Variants in ZNF66 observed in about 807,000 individuals in gnomAD.
ZNF66 encodes zinc finger protein 66, also known as putative zinc finger protein 66.
Under a neutral mutation model 35.2 loss-of-function variants are expected in ZNF66, and 32 were observed. The observed-to-expected ratio is 0.91, with a 90% confidence interval of 0.69 to 1.22. The LOEUF (loss-of-function observed/expected upper bound fraction) is 1.22. Ranked by LOEUF, ZNF66 falls within the 50% of genes most tolerant of loss-of-function variation. The probability of loss-of-function intolerance (pLI) is 0.00; values close to 1 mark genes in which losing one functional copy is unlikely to be tolerated. For synonymous variants in ZNF66, 231 were observed against 181.3 expected (o/e 1.27, Z -2.20); for missense variants, 666 against 543.1 (o/e 1.23, Z -2.25).
chr19:20,786,175 C>T (rs891019821), intron 1 of ZNF66, among the ~76,000 whole-genome samples: 1 of 152,174 alleles, frequency 6.6e-6, no homozygotes, highest in Non-Finnish European at 1.5e-5. Flanking sequence ...CTTTCCCTCT[C>T]AGGCTTCCAG....
intron 3 of ZNF66, among the ~76,000 whole-genome samples, chr19:20,797,497 C>T (rs539071896): frequency 2.4e-5 from 3 of 124,448 alleles, no homozygotes; most frequent in Non-Finnish European, 3.6e-5. Flanking sequence ...TGAGCCACCG[C>T]GCCCGGCCGA....
intron 1 of ZNF66, among the ~76,000 whole-genome samples, chr19:20,777,733 C>T (rs1971208781): frequency 6.6e-6 from 1 of 152,036 alleles, no homozygotes. Flanking sequence ...TCAAGCGATT[C>T]TCCTGCTTCA....
Position 20,806,086 on chromosome 19 carries a change from A to T in ZNF66, c.486A>T (p.Arg162Ser), listed in dbSNP as rs1971502251. 2 of 876,802 alleles carry T rather than the reference A, an allele frequency of 2.3e-6. No homozygotes were observed. The highest frequency in any genetic ancestry group is 3.8e-6 in the Non-Finnish European group (2 of 522,962). 54.3% of individuals were successfully genotyped at this position (876,802 alleles called of 1,614,324 possible). A position where few individuals can be genotyped will look rare whatever the true frequency, so the allele number is the denominator to read the frequency against. Residue 162 changes from arginine to serine, a missense_variant, in exon 4 of 4, where the codon AGA becomes AGT. Arg to Ser is a moderately radical substitution (Grantham distance 110). Transcript: ENST00000344519. The part of the protein sequence containing the change: ...KVFHQFSNTN[R>S]HKIRHTGKNP... ...TTCATCAATTTTCAAATACAAACAG[A>T]CATAAGATAAGACATACTGGAAAAA...
chr19:20,783,852 T>C (rs1971265041), intron 1 of ZNF66, among the ~76,000 whole-genome samples: 3 of 152,226 alleles, frequency 2.0e-5, no homozygotes, highest in Admixed American at 2.0e-4. Flanking sequence ...TTCATATAAA[T>C]TAAACAGTGT....
At chr19:20,782,156 G>C (rs1337121533) in intron 1 of ZNF66, among the ~76,000 whole-genome samples, 2 of 152,104 alleles carry the variant, frequency 1.3e-5, no homozygotes, top group Non-Finnish European at 2.9e-5. Context: ...TGTTGCCCAG[G>C]CTGTTCTCAA....
In ZNF66 at chr19:20,809,245, G is replaced by A. The variant is rs1599559186; in HGVS notation, c.*1923G>A. ...TGAGGGGGAGAATGGAACCAACTTGGAAAACACTCTGCAGGATATTATCCA... is the reference window on the plus strand; with the variant it reads ...TGAGGGGGAGAATGGAACCAACTTGAAAAACACTCTGCAGGATATTATCCA... On this transcript the variant is annotated 3_prime_UTR_variant, in exon 4 of 4. Coordinates refer to ENST00000344519, the MANE Select transcript of ZNF66 (RefSeq NM_001355197.2). 6.6e-6 allele frequency among the ~76,000 whole-genome samples: 1 copy of A among 152,268 alleles called. No homozygotes were observed. Among genetic ancestry groups the A allele is most frequent in the East Asian group, 1.9e-4 (1 of 5,192 alleles).
intron 1 of ZNF66, among the ~76,000 whole-genome samples, chr19:20,790,857 A>G (rs181526931): frequency 6.6e-6 from 1 of 152,118 alleles, no homozygotes; most frequent in Non-Finnish European, 1.5e-5. Flanking sequence ...TTACTTCTCT[A>G]CTTGTGTTTT....
chr19:20,788,267 C>T (rs1971305795), intron 1 of ZNF66, among the ~76,000 whole-genome samples: 1 of 152,166 alleles, frequency 6.6e-6, no homozygotes, highest in Admixed American at 6.5e-5. Flanking sequence ...TTAGTCTAGA[C>T]TAGCAACTGG....
intron 1 of ZNF66, among the ~76,000 whole-genome samples, chr19:20,785,751 G>GTTTTTTTTTTTTTTTTTTTTTT (rs1171317364): frequency 6.7e-6 from 1 of 148,638 alleles, no homozygotes; most frequent in African/African-American, 2.5e-5. Flanking sequence ...TTCTTTTTCT[G>GTTTTTTTTTTTTTTTTTTTTTT]TTTTTGTTTG....
At chr19:20,783,834 A>T (rs1971264969) in intron 1 of ZNF66, among the ~76,000 whole-genome samples, 1 of 152,200 alleles carries the variant, frequency 6.6e-6, no homozygotes, top group African/African-American at 2.4e-5. Flanking sequence ...GTTTGTAGAC[A>T]AACTGCATTC....
chr19:20,809,359 A>T lies in ZNF66; in HGVS notation c.*2037A>T, dbSNP rs1971563885. Among the ~76,000 whole-genome samples, 1 of 151,986 alleles carries T rather than the reference A, an allele frequency of 6.6e-6. No individual in the cohort carries two copies. The highest frequency in any genetic ancestry group is 2.4e-5 in the African/African-American group (1 of 41,390). On this transcript the variant is annotated 3_prime_UTR_variant, in exon 4 of 4. Coordinates refer to ENST00000344519, the MANE Select transcript of ZNF66 (RefSeq NM_001355197.2). ...ACAAAGATACTCCTTGAGAAGAGCA[A>T]CTCCAAGACACATAATTGTCAGATT...
chr19:20,800,637 A>G (rs1375181868), intron 3 of ZNF66, among the ~76,000 whole-genome samples: 1 of 152,152 alleles, frequency 6.6e-6, no homozygotes, highest in Non-Finnish European at 1.5e-5. Flanking sequence ...TGGCTTCTTC[A>G]CCTCACACTT....
At chr19:20,783,245 C>T (rs941340270) in intron 1 of ZNF66, among the ~76,000 whole-genome samples, 1 of 152,082 alleles carries the variant, frequency 6.6e-6, no homozygotes, top group African/African-American at 2.4e-5. Flanking sequence ...CTCTCTTCTC[C>T]TTTTTCCCCA....
At position 20,807,041 on chromosome 19, in the gene ZNF66, T is replaced by C; in HGVS notation, c.1441T>C (p.Tyr481His). 1 of 855,384 alleles carries C rather than the reference T, an allele frequency of 1.2e-6. No individual in the cohort carries two copies. Among genetic ancestry groups the C allele is most frequent in the Non-Finnish European group, 2.0e-6 (1 of 493,494 alleles). 53.0% of individuals were successfully genotyped at this position (855,384 alleles called of 1,614,324 possible). Residue 481 changes from tyrosine to histidine, a missense_variant, in exon 4 of 4, where the codon TAC becomes CAC. By Grantham distance (83) the Tyr-to-His change is moderately conservative. Coordinates refer to ENST00000344519, the MANE Select transcript of ZNF66 (RefSeq NM_001355197.2). ...HKKIHTGEKP[Y>H]KCEECGKAFK... ...GAAAATTCATACTGGAGAGAAGCCTTACAAATGTGAAGAATGTGGCAAGGC... is the reference window on the plus strand; with the variant it reads ...GAAAATTCATACTGGAGAGAAGCCTCACAAATGTGAAGAATGTGGCAAGGC...
chr19:20,792,278 T>C (rs1233664801), intron 1 of ZNF66, among the ~76,000 whole-genome samples: 1 of 152,184 alleles, frequency 6.6e-6, no homozygotes, highest in Non-Finnish European at 1.5e-5. Context: ...ATTTTATAGT[T>C]TATTTTCTAG....
At chr19:20,780,721 A>ACT (rs113599596) in intron 1 of ZNF66, among the ~76,000 whole-genome samples, 14,141 of 152,198 alleles carry the variant, frequency 0.093, 663 homozygotes, top group Middle Eastern at 0.11. Flanking sequence ...CTGGAATAAA[A>ACT]CTAGGTGTTT....
At chr19:20,801,643 C>G (rs1393691118) in intron 3 of ZNF66, among the ~76,000 whole-genome samples, 2 of 151,796 alleles carry the variant, frequency 1.3e-5, no homozygotes, top group African/African-American at 2.4e-5. Flanking sequence ...CTGCATCCGG[C>G]CTCATGTATT....
chr19:20,804,237 TTTTA>T (rs1362645231), intron 3 of ZNF66, among the ~76,000 whole-genome samples: 2 of 151,828 alleles, frequency 1.3e-5, no homozygotes, highest in Non-Finnish European at 2.9e-5. Context: ...ATTTATTTTA[TTTTA>T]TTTATTTATT....
In ZNF66 at chr19:20,776,324, C is replaced by T. The variant is rs999959497; in HGVS notation, c.-124C>T. ...TCTTTGTCTCTCCCTGCAGCTGGAG[C>T]TCCAGGTCGTCTGTTCACTGCTCTC... On this transcript the variant is annotated 5_prime_UTR_variant, in exon 1 of 4. Coordinates refer to ENST00000344519, the MANE Select transcript of ZNF66 (RefSeq NM_001355197.2). 5 of 1,424,594 alleles carry T rather than the reference C, an allele frequency of 3.5e-6. No individual in the cohort carries two copies. Among genetic ancestry groups the T allele is most frequent in the African/African-American group, 1.4e-5 (1 of 71,028 alleles). The allele number at this position is 1,424,594 out of a possible 1,614,324, so 88.2% of individuals were successfully genotyped here. A position where few individuals can be genotyped will look rare whatever the true frequency, so the allele number is the denominator to read the frequency against.
Sources: gnomAD v4.1 joint callset for allele counts (sites outside exome capture counted in the v4.1 genomes callset) on GRCh38, gnomAD v4.1.1 for gene constraint, MANE v1.5 for transcripts, NCBI Gene and HGNC (gene_info 2026-07-23, HGNC 2026-07-21) for gene names.